HPCAL1: variants seen among roughly 807,000 people sequenced by gnomAD.
HPCAL1 encodes hippocalcin-like protein 1.
HPCAL1 carries 8 observed loss-of-function variants against 17.1 expected under a neutral mutation model. The ratio of observed to expected loss-of-function variants is 0.47; its 90% CI spans 0.27 to 0.84. The LOEUF (loss-of-function observed/expected upper bound fraction) is 0.84. Among genes scored for constraint, HPCAL1 ranks in the 40% least tolerant of loss-of-function variants. HPCAL1 has a pLI of 0.13. For missense variants in HPCAL1, 165 were observed against 271.1 expected, an observed-to-expected ratio of 0.61 and a Z score of 2.75; for synonymous variants, 112 against 111.4, an observed-to-expected ratio of 1.01 and a Z score of -0.03.
chr2:10,347,196 A>G (rs1665526111), intron 1 of HPCAL1, among the ~76,000 whole-genome samples: 2 of 151,922 alleles, frequency 1.3e-5, no homozygotes. Context: ...TCCGTGACCC[A>G]TACGGTGGGC....
chr2:10,325,959 T>C (rs1442434772), intron 1 of HPCAL1, among the ~76,000 whole-genome samples: 12 of 152,224 alleles, frequency 7.9e-5, no homozygotes, highest in Admixed American at 7.9e-4. Flanking sequence ...AAAAACTCTA[T>C]GCAGGAAATA....
intron 1 of HPCAL1, among the ~76,000 whole-genome samples, chr2:10,335,953 T>A (rs1320169744): frequency 6.6e-6 from 1 of 152,242 alleles, no homozygotes; most frequent in African/African-American, 2.4e-5. Context: ...TATCCTCTGC[T>A]GTAAATTAAT....
intron 1 of HPCAL1, among the ~76,000 whole-genome samples, chr2:10,392,860 G>A (rs1289579399): frequency 6.6e-6 from 1 of 152,200 alleles, no homozygotes; most frequent in African/African-American, 2.4e-5. Flanking sequence ...GGGGGAGGTG[G>A]GGTCGGAAGG....
intron 1 of HPCAL1, among the ~76,000 whole-genome samples, chr2:10,378,424 C>G (rs551297341): frequency 1.3e-5 from 2 of 152,092 alleles, no homozygotes; most frequent in Non-Finnish European, 2.9e-5. Context: ...GACCGGGCCG[C>G]CTAAATGCAG....
chr2:10,381,674 T>TA (rs1439947353), intron 1 of HPCAL1, among the ~76,000 whole-genome samples: 7 of 152,204 alleles, frequency 4.6e-5, no homozygotes, highest in Non-Finnish European at 8.8e-5. Flanking sequence ...TGTGTGATCT[T>TA]AAAGTAATGT....
Position 10,361,157 on chromosome 2 carries a change from TG to T in HPCAL1, c.-110-35677del, listed in dbSNP as rs148686845. ...CTCCCCAGTGCTGGACGGTGGCCAG[TG>T]TGGTTTTCCAGGCGAGTCCGTGGGC... On this transcript the variant is annotated intron_variant, in intron 1 of 4. Coordinates refer to ENST00000307845, the MANE Select transcript of HPCAL1 (RefSeq NM_002149.4). Among the ~76,000 whole-genome samples, 68 of 147,462 alleles carry T rather than the reference TG, an allele frequency of 4.6e-4. No individual in the cohort carries two copies. In the East Asian group the frequency reaches 8.5e-3, roughly 18 times the overall value.
chr2:10,399,504 ACCACCACCGCCG>A (rs1202179659), intron 2 of HPCAL1, among the ~76,000 whole-genome samples: 2 of 139,028 alleles, frequency 1.4e-5, no homozygotes, highest in East Asian at 4.3e-4. Flanking sequence ...CATCACCATC[ACCACCACCGCCG>A]CCACCACCGC....
intron 2 of HPCAL1, among the ~76,000 whole-genome samples, chr2:10,412,480 G>A (rs936782397): frequency 4.6e-5 from 7 of 152,210 alleles, no homozygotes; most frequent in Admixed American, 6.5e-5. Flanking sequence ...GCAAGAAAGG[G>A]CAGGAAAGGG....
intron 1 of HPCAL1, among the ~76,000 whole-genome samples, chr2:10,347,123 T>C (rs1180612084): frequency 6.6e-6 from 1 of 151,866 alleles, no homozygotes; most frequent in Admixed American, 6.6e-5. Context: ...CCCCCGCAGG[T>C]GCTGGAGTTC....
intron 1 of HPCAL1, among the ~76,000 whole-genome samples, chr2:10,320,586 A>T (rs1663614667): frequency 6.6e-6 from 1 of 152,198 alleles, no homozygotes; most frequent in Non-Finnish European, 1.5e-5. Context: ...ACCCAGTCTC[A>T]GGTAGTTCTT....
intron 1 of HPCAL1, among the ~76,000 whole-genome samples, chr2:10,355,977 C>T (rs963877231): frequency 6.6e-6 from 1 of 152,170 alleles, no homozygotes; most frequent in South Asian, 2.1e-4. Flanking sequence ...TCCCCAGGAA[C>T]GCTAGTCACA....
At chr2:10,361,257 T>A (rs553870867) in intron 1 of HPCAL1, among the ~76,000 whole-genome samples, 2 of 85,050 alleles carry the variant, frequency 2.4e-5, no homozygotes, top group Non-Finnish European at 5.6e-5. Flanking sequence ...AATGGGTGGA[T>A]CCCAGAGAGA....
At chr2:10,382,723 G>T (rs914258906) in intron 1 of HPCAL1, among the ~76,000 whole-genome samples, 1 of 146,514 alleles carries the variant, frequency 6.8e-6, no homozygotes. Context: ...ATGAGAAGCC[G>T]CATGCACCAC....
intron 1 of HPCAL1, among the ~76,000 whole-genome samples, chr2:10,332,116 C>G (rs1004020274): frequency 6.6e-6 from 1 of 152,144 alleles, no homozygotes; most frequent in South Asian, 2.1e-4. Context: ...GTCAGGTGTA[C>G]TCACTTTGCT....
At chr2:10,425,381 G>A (rs1309446645) in intron 4 of HPCAL1, 1 of 152,324 alleles carries the variant, frequency 6.6e-6, no homozygotes, top group African/African-American at 2.4e-5. Flanking sequence ...GGCTCTCTTG[G>A]GGCCAGCAGG....
rs1668862634 is a variant in HPCAL1 at position 10,394,085 on chromosome 2, A to C, written c.-110-2750A>C. Reference sequence around the variant, plus strand: ...AGCTTTGATTGTGCCACTGCGCTCCAGCCTGGGTGACAGAGCGAGATCCTG... The same window carrying C: ...AGCTTTGATTGTGCCACTGCGCTCCCGCCTGGGTGACAGAGCGAGATCCTG... On this transcript the variant is annotated intron_variant, in intron 1 of 4. Transcript: ENST00000307845. The surrounding 1 kb of genome is among the most constrained non-coding windows in gnomAD (Gnocchi z 5.0). Among the ~76,000 whole-genome samples, 1 of 152,106 alleles carries C rather than the reference A, an allele frequency of 6.6e-6. No individual in the cohort carries two copies. The highest frequency in any genetic ancestry group is 2.1e-4 in the South Asian group (1 of 4,820).
intron 1 of HPCAL1, among the ~76,000 whole-genome samples, chr2:10,372,072 C>G (rs1275064790): frequency 6.6e-6 from 1 of 152,242 alleles, no homozygotes; most frequent in African/African-American, 2.4e-5. Context: ...ATTTGAAAGC[C>G]AAACACGTTG....
intron 1 of HPCAL1, chr2:10,303,716 G>A (rs1426379321): frequency 1.3e-5 from 2 of 152,404 alleles, no homozygotes; most frequent in South Asian, 2.1e-4. Context: ...TGCCAAGGGT[G>A]GGGGCCCACG....
chr2:10,413,801 C>T (rs971584735), intron 2 of HPCAL1, among the ~76,000 whole-genome samples: 4 of 152,258 alleles, frequency 2.6e-5, no homozygotes, highest in Admixed American at 6.5e-5. Context: ...TTTCTCCCTT[C>T]GTTCTGAGAG....
Sources: allele counts gnomAD v4.1 joint callset (sites outside exome capture counted in the v4.1 genomes callset), GRCh38; gene constraint gnomAD v4.1.1; non-coding constraint Gnocchi (gnomAD v3.1); transcripts MANE v1.5; gene names NCBI Gene and HGNC (gene_info 2026-07-23, HGNC 2026-07-21).